Variants in MAP3K20 observed in about 807,000 individuals in gnomAD.
MAP3K20 encodes the protein HCCS-4.
A neutral mutation model predicts 85.7 loss-of-function variants in MAP3K20; 40 were observed. The ratio of observed to expected loss-of-function variants is 0.47; its 90% confidence interval spans 0.36 to 0.61. The LOEUF (loss-of-function observed/expected upper bound fraction) is 0.61, where lower values mean the gene tolerates loss of function less well. Among genes scored for constraint, MAP3K20 ranks in the 20% least tolerant of loss-of-function variants. The pLI, the probability that MAP3K20 is intolerant of heterozygous loss-of-function variation, is 0.00. For synonymous variants in MAP3K20, 325 were observed against 327.7 expected, an observed-to-expected ratio of 0.99 and a Z score of 0.09; for missense variants, 817 against 961.7, an observed-to-expected ratio of 0.85 and a Z score of 1.99.
chr2:173,121,367 A>G (rs1324986757), intron 2 of MAP3K20, among the ~76,000 whole-genome samples: 1 of 152,148 alleles, frequency 6.6e-6, no homozygotes, highest in Non-Finnish European at 1.5e-5. Context: ...ATATTGTCGG[A>G]AACATTACAG....
chr2:173,236,266 T>TAAAAAAAAA (rs67764486), intron 14 of MAP3K20, among the ~76,000 whole-genome samples: 1 of 64,706 alleles, frequency 1.5e-5, no homozygotes, highest in Non-Finnish European at 2.7e-5. Context: ...AGACCCTGTC[T>TAAAAAAAAA]AAAAAAAAAA....
intron 2 of MAP3K20, among the ~76,000 whole-genome samples, chr2:173,134,395 T>TAC (rs1559245893): frequency 8.0e-3 from 78 of 9,738 alleles, no homozygotes; most frequent in Non-Finnish European, 9.7e-3. Flanking sequence ...TCTCTATACA[T>TAC]ATATATATAT....
At chr2:173,205,118 A>AC (rs1683637568) in intron 9 of MAP3K20, among the ~76,000 whole-genome samples, 2 of 92,204 alleles carry the variant, frequency 2.2e-5, no homozygotes, top group Non-Finnish European at 4.5e-5. Flanking sequence ...AAAAAAAAAA[A>AC]AAAATAAATA....
intron 2 of MAP3K20, among the ~76,000 whole-genome samples, chr2:173,114,729 C>T (rs1688069165): frequency 6.6e-6 from 1 of 152,148 alleles, no homozygotes; most frequent in Admixed American, 6.5e-5. Context: ...GAAGATAGGG[C>T]CCCAATCTCT....
intron 2 of MAP3K20, among the ~76,000 whole-genome samples, chr2:173,139,763 G>C (rs958492031): frequency 3.3e-5 from 5 of 152,064 alleles, no homozygotes; most frequent in African/African-American, 1.2e-4. Context: ...ACGAAAAGTA[G>C]ATTCCTAAAT....
chr2:173,104,663 T>C (rs1347469400), intron 2 of MAP3K20, among the ~76,000 whole-genome samples: 1 of 152,190 alleles, frequency 6.6e-6, no homozygotes, highest in Non-Finnish European at 1.5e-5. Context: ...AGAAGAACTA[T>C]CTGTACCATC....
At chr2:173,110,216 TATATATATATATATATATATATA>T (rs1447878451) in intron 2 of MAP3K20, among the ~76,000 whole-genome samples, 11 of 7,304 alleles carry the variant, frequency 1.5e-3, no homozygotes, top group East Asian at 0.013. Context: ...TATATATATA[TATATATATATATATATATATATA>T]TATTTTTTTT....
chr2:173,266,564 A>C lies in MAP3K20; in HGVS notation c.2217A>C (p.Gln739His), dbSNP rs1685428420. 3 of 1,613,800 alleles carry C rather than the reference A, an allele frequency of 1.9e-6. No individual in the cohort carries two copies. In the East Asian group the frequency reaches 6.7e-5, roughly 36 times the overall value. ...DFKRSPRDLH[Q>H]PNTIPGMPLH... Reference sequence around the variant, plus strand: ...AGAGAAGCCCCAGGGACCTCCACCAACCCAACACCATACCAGGGATGCCTT... The same window carrying C: ...AGAGAAGCCCCAGGGACCTCCACCACCCCAACACCATACCAGGGATGCCTT... Residue 739 changes from glutamine (Q) to histidine (H), a missense_variant, in exon 20 of 20, where the codon CAA (glutamine) becomes CAC (histidine). Physicochemically the swap from Gln to His is conservative, Grantham distance 24 (BLOSUM62 0). Transcript: ENST00000375213.
At chr2:173,242,439 A>T (rs1324569330) in intron 16 of MAP3K20, among the ~76,000 whole-genome samples, 1 of 152,024 alleles carries the variant, frequency 6.6e-6, no homozygotes, top group Non-Finnish European at 1.5e-5. Context: ...AAAGTGCGGG[A>T]TTACAGGCGT....
chr2:173,232,351 A>T lies in MAP3K20; in HGVS notation c.1095A>T (p.Ala365=). Residue 365 remains alanine, a synonymous_variant, in exon 14 of 20, where the codon GCA becomes GCT. Transcript: ENST00000375213. ...CTTCAGCAGAGATGAGTGTATATGC[A>T]AGCTTGTTTAAAGAAAACAACATTA... ...GDSSAEMSVY[A]SLFKENNITG... 3.1e-6 allele frequency: 5 copies of T among 1,614,238 alleles called. No individual in the cohort carries two copies. Among genetic ancestry groups the T allele is most frequent in the Non-Finnish European group, 4.2e-6 (5 of 1,180,044 alleles).
In MAP3K20 at chr2:173,258,732, G is replaced by A. The variant is rs750610480; in HGVS notation, c.1393G>A (p.Gly465Arg). The A allele has an allele frequency of 3.6e-5, 58 of 1,611,170 alleles. No homozygotes were observed. Among genetic ancestry groups the A allele is most frequent in the Non-Finnish European group, 4.6e-5 (54 of 1,177,912 alleles). Reference sequence around the variant, plus strand: ...GTGGAAAATGTATATGGAGATGGATGGGGATGAAATTGCAATAACCTACAT... The same window carrying A: ...GTGGAAAATGTATATGGAGATGGATAGGGATGAAATTGCAATAACCTACAT... ...CKWKMYMEMD[G>R]DEIAITYIKD... The change falls in exon 17 of 20, where the codon GGG (glycine) becomes AGG (arginine). Residue 465 changes from glycine (G) to arginine (R), a missense_variant. Gly to Arg is a moderately radical substitution (Grantham distance 125, BLOSUM62 -2). Transcript: ENST00000375213.
At chr2:173,076,775 C>T (rs1012191873) in intron 1 of MAP3K20, among the ~76,000 whole-genome samples, 1 of 152,212 alleles carries the variant, frequency 6.6e-6, no homozygotes, top group African/African-American at 2.4e-5. Flanking sequence ...CTTTGGCGAC[C>T]CTCAGGCAGC....
At chr2:173,161,824 C>G (rs573887188) in intron 2 of MAP3K20, among the ~76,000 whole-genome samples, 14 of 152,226 alleles carry the variant, frequency 9.2e-5, no homozygotes, top group Non-Finnish European at 1.8e-4. Flanking sequence ...CTGGTTTGTT[C>G]CAGAGCCGTA....
At chr2:173,128,495 C>T (rs781653204) in intron 2 of MAP3K20, among the ~76,000 whole-genome samples, 4 of 151,904 alleles carry the variant, frequency 2.6e-5, no homozygotes, top group Non-Finnish European at 5.9e-5. Context: ...ACCAGCCCAG[C>T]TAATTTTTGT....
chr2:173,232,465 T>C lies in MAP3K20; in HGVS notation c.1203+6T>C. ...GGCATATCATTCACTTCAAGGTACCTGAGAAAGGGACAACATTCCATCAGC... is the reference window on the plus strand; with the variant it reads ...GGCATATCATTCACTTCAAGGTACCCGAGAAAGGGACAACATTCCATCAGC... On this transcript the variant is annotated splice_donor_region_variant and intron_variant, in intron 14 of 19. Coordinates refer to ENST00000375213, the MANE Select transcript of MAP3K20 (RefSeq NM_016653.3). 6.2e-7 allele frequency: 1 copy of C among 1,611,146 alleles called. No individual in the cohort carries two copies. The highest frequency in any genetic ancestry group is 8.5e-7 in the Non-Finnish European group (1 of 1,179,218).
At chr2:173,103,851 A>G (rs937541381) in intron 2 of MAP3K20, among the ~76,000 whole-genome samples, 2 of 152,188 alleles carry the variant, frequency 1.3e-5, no homozygotes, top group African/African-American at 4.8e-5. Flanking sequence ...GGGGAGGTGC[A>G]TACTTGACAC....
chr2:173,175,883 G>A (rs991106174), intron 3 of MAP3K20, among the ~76,000 whole-genome samples: 3 of 152,064 alleles, frequency 2.0e-5, no homozygotes, highest in African/African-American at 7.2e-5. Context: ...TCTTGTCTTG[G>A]TGATTAAGAT....
At chr2:173,077,165 G>A (rs1686886290) in intron 1 of MAP3K20, among the ~76,000 whole-genome samples, 1 of 152,144 alleles carries the variant, frequency 6.6e-6, no homozygotes, top group Non-Finnish European at 1.5e-5. Flanking sequence ...ACTTAAGATT[G>A]TTGAAAACTG....
chr2:173,138,300 T>C (rs1219603256), intron 2 of MAP3K20, among the ~76,000 whole-genome samples: 1 of 152,222 alleles, frequency 6.6e-6, no homozygotes, highest in Non-Finnish European at 1.5e-5. Context: ...ATGTTTAAAA[T>C]CTGAAAGTGT....
Sources: gnomAD v4.1 joint callset for allele counts (sites outside exome capture counted in the v4.1 genomes callset) on GRCh38, gnomAD v4.1.1 for gene constraint, MANE v1.5 for transcripts, NCBI Gene and HGNC (gene_info 2026-07-23, HGNC 2026-07-21) for gene names.